SERPINB2: variants seen among roughly 807,000 people sequenced by gnomAD.
SERPINB2 encodes serpin family B member 2.
In SERPINB2, 28 loss-of-function variants were observed where a neutral mutation model predicts 39.4. The ratio of observed to expected loss-of-function variants is 0.71; its 90% confidence interval spans 0.53 to 0.97. The LOEUF (loss-of-function observed/expected upper bound fraction) is 0.97, where lower values mean the gene tolerates loss of function less well. SERPINB2 is among the 50% of genes least tolerant of loss of function. SERPINB2 has a pLI of 0.00. For missense variants in SERPINB2, 557 were observed against 505.3 expected, an observed-to-expected ratio of 1.10 and a Z score of -0.98; for synonymous variants, 209 against 175.1, an observed-to-expected ratio of 1.19 and a Z score of -1.53.
chr18:63,893,035 C>A (rs1157923374), intron 2 of SERPINB2, among the ~76,000 whole-genome samples: 1 of 151,974 alleles, frequency 6.6e-6, no homozygotes, highest in Admixed American at 6.6e-5. Flanking sequence ...CAGGTTCAAG[C>A]CATTCTCCTG....
At chr18:63,898,048 T>C (rs963570990) in intron 5 of SERPINB2, among the ~76,000 whole-genome samples, 7 of 152,212 alleles carry the variant, frequency 4.6e-5, no homozygotes, top group East Asian at 1.9e-4. Context: ...AGAAGACATA[T>C]GTTTAGTACT....
At chr18:63,888,847 A>C (rs1028541138) in intron 1 of SERPINB2, among the ~76,000 whole-genome samples, 4 of 152,230 alleles carry the variant, frequency 2.6e-5, no homozygotes, top group African/African-American at 9.6e-5. Flanking sequence ...TATAATGTTA[A>C]AAAATTCACA....
chr18:63,896,277 C>T (rs2049958905), intron 3 of SERPINB2, among the ~76,000 whole-genome samples: 1 of 152,202 alleles, frequency 6.6e-6, no homozygotes, highest in Non-Finnish European at 1.5e-5. Flanking sequence ...TGCCCTAGGA[C>T]AGGCTGCTGC....
At chr18:63,896,917 G>A (rs964855554) in intron 3 of SERPINB2, among the ~76,000 whole-genome samples, 174 bp from the exon 4 acceptor site, 3 of 152,178 alleles carry the variant, frequency 2.0e-5, no homozygotes, top group African/African-American at 4.8e-5. Context: ...TAGTTTTAAT[G>A]TACCACATCC....
rs1296015945 is a variant in SERPINB2 at position 63,903,246 on chromosome 18, CTTA to C, written c.1194_1196del (p.Ile398del). ...TGTGGCAGATCATCCTTTTCTTTTTCTTATTATGCATAAGATAACCAACTGCAT... is the reference window on the plus strand; with the variant it reads ...TGTGGCAGATCATCCTTTTCTTTTTCTTATGCATAAGATAACCAACTGCAT... On this transcript the variant is annotated inframe_deletion, in exon 8 of 8. Coordinates refer to ENST00000299502, the MANE Select transcript of SERPINB2 (RefSeq NM_002575.3). The C allele has an allele frequency of 6.3e-7, 1 of 1,593,116 alleles. No individual in the cohort carries two copies. Among genetic ancestry groups the C allele is most frequent in the East Asian group, 2.2e-5 (1 of 44,672 alleles).
intron 1 of SERPINB2, chr18:63,890,245 A>G (rs1007797093): frequency 5.3e-5 from 8 of 152,200 alleles, no homozygotes; most frequent in African/African-American, 1.9e-4. Flanking sequence ...GGGTTCACGC[A>G]AGAAAGAAGC....
In SERPINB2 at chr18:63,903,343, T is replaced by G; in HGVS notation, c.*38T>G. 1 of 1,478,332 alleles carries G rather than the reference T, an allele frequency of 6.8e-7. No individual in the cohort carries two copies. Among genetic ancestry groups the G allele is most frequent in the South Asian group, 1.5e-5 (1 of 66,808 alleles). 91.6% of individuals were successfully genotyped at this position (1,478,332 alleles called of 1,614,324 possible). On this transcript the variant is annotated 3_prime_UTR_variant, in exon 8 of 8. Transcript: ENST00000299502. Reference sequence around the variant, plus strand: ...TGCTTCTGCAAAAGATTTTTGTAGATGAGCTGTGTGCCTCAGAATTGCTAT... The same window carrying G: ...TGCTTCTGCAAAAGATTTTTGTAGAGGAGCTGTGTGCCTCAGAATTGCTAT...
In SERPINB2 at chr18:63,897,857, A is replaced by G. The variant is rs752724853; in HGVS notation, c.535+13A>G. On this transcript the variant is annotated intron_variant, in intron 5 of 7. Coordinates refer to ENST00000299502, the MANE Select transcript of SERPINB2 (RefSeq NM_002575.3). ...ACTCAAACCAAAGGTAAATCCAAGAAAATATTTTATTTACTTCTTTCCAGT... is the reference window on the plus strand; with the variant it reads ...ACTCAAACCAAAGGTAAATCCAAGAGAATATTTTATTTACTTCTTTCCAGT... The G allele has an allele frequency of 1.0e-5, 15 of 1,495,406 alleles. No homozygotes were observed. The highest frequency in any genetic ancestry group is 1.4e-5 in the Non-Finnish European group (15 of 1,081,774). 92.6% of individuals were successfully genotyped at this position (1,495,406 alleles called of 1,614,324 possible). A position where few individuals can be genotyped will look rare whatever the true frequency, so the allele number is the denominator to read the frequency against.
chr18:63,898,154 C>A (rs1337676633), intron 5 of SERPINB2, among the ~76,000 whole-genome samples: 2 of 152,210 alleles, frequency 1.3e-5, no homozygotes, highest in South Asian at 4.1e-4. Flanking sequence ...AATTGTGAGT[C>A]TATGCCCACT....
At chr18:63,895,489 A>T in intron 3 of SERPINB2, 106 bp downstream of exon 3, 2 of 1,362,854 alleles carry the variant, frequency 1.5e-6, no homozygotes, top group Non-Finnish European at 1.0e-6. Flanking sequence ...ACCCTCCCCC[A>T]TTCACAGAAA....
chr18:63,892,861 T>C (rs1354761727), intron 2 of SERPINB2: 2 of 152,254 alleles, frequency 1.3e-5, no homozygotes, highest in Non-Finnish European at 2.9e-5. Context: ...TTTTTATTTT[T>C]TGCCTTGAAA....
At chr18:63,892,935 T>G (rs1358573352) in intron 2 of SERPINB2, among the ~76,000 whole-genome samples, 3 of 152,190 alleles carry the variant, frequency 2.0e-5, no homozygotes, top group African/African-American at 7.2e-5. Flanking sequence ...TTTTTCTTTT[T>G]TCCTTTCTTT....
At chr18:63,897,472 C>G (rs546520922) in intron 4 of SERPINB2, among the ~76,000 whole-genome samples, 33 of 152,084 alleles carry the variant, frequency 2.2e-4, no homozygotes, top group Non-Finnish European at 3.7e-4. Context: ...GACACTATCC[C>G]CCAAGTCAAA....
chr18:63,893,182 C>G (rs1220800407), intron 2 of SERPINB2, among the ~76,000 whole-genome samples: 1 of 152,200 alleles, frequency 6.6e-6, no homozygotes, highest in Non-Finnish European at 1.5e-5. Context: ...CCTGCCTCGG[C>G]CTCCCAAAGT....
In SERPINB2 at chr18:63,897,334, G is replaced by A. The variant is rs1322241144; in HGVS notation, c.417+115G>A. ...AAAGCAGAGTTGGAATTCCACACCAGCTCCCTAGGGCTGGCCTTGCGTAAC... is the reference window on the plus strand; with the variant it reads ...AAAGCAGAGTTGGAATTCCACACCAACTCCCTAGGGCTGGCCTTGCGTAAC... On this transcript the variant is annotated intron_variant, in intron 4 of 7. Transcript: ENST00000299502. The A allele has an allele frequency of 1.2e-5, 15 of 1,234,170 alleles. No homozygotes were observed. The East Asian group carries it at 3.3e-4, about 27-fold the overall frequency. 76.5% of individuals were successfully genotyped at this position (1,234,170 alleles called of 1,614,324 possible).
intron 5 of SERPINB2, among the ~76,000 whole-genome samples, chr18:63,899,059 C>G (rs2049977313): frequency 6.6e-6 from 1 of 152,098 alleles, no homozygotes; most frequent in African/African-American, 2.4e-5. Flanking sequence ...TACCACTGGC[C>G]CTTGGAGCTC....
Position 63,902,417 on chromosome 18 carries a change from C to T in SERPINB2, c.692C>T (p.Pro231Leu). 6.2e-7 allele frequency: 1 copy of T among 1,611,900 alleles called. No homozygotes were observed. Among genetic ancestry groups the T allele is most frequent in the Non-Finnish European group, 8.5e-7 (1 of 1,178,882 alleles). The change falls in exon 7 of 8, where the codon CCT becomes CTT. Residue 231 changes from proline (P) to leucine (L), a missense_variant. Pro to Leu is a moderately conservative substitution (Grantham distance 98). Coordinates refer to ENST00000299502, the MANE Select transcript of SERPINB2 (RefSeq NM_002575.3). ...PFRVNSAQRT[P>L]VQMMYLREKL... ...TAATAATATTAGGCTCAGCGCACAC[C>T]TGTACAGATGATGTACTTGCGTGAA... is the stretch of plus-strand genomic sequence containing the variant.
At position 63,901,886 on chromosome 18, in the gene SERPINB2, T is replaced by C; in HGVS notation, c.678+4T>C. 1 of 1,593,920 alleles carries C rather than the reference T, an allele frequency of 6.3e-7. No homozygotes were observed. The highest frequency in any genetic ancestry group is 1.2e-5 in the South Asian group (1 of 86,364). On this transcript the variant is annotated splice_donor_region_variant and intron_variant, in intron 6 of 7. Transcript: ENST00000299502. ...TTATCCTTTCCGTGTAAACTCGGTA[T>C]GAGACAACAAAATACATCTTCCTAG...
intron 1 of SERPINB2, among the ~76,000 whole-genome samples, chr18:63,889,528 T>A (rs1023821004): frequency 6.6e-6 from 1 of 152,174 alleles, no homozygotes; most frequent in Non-Finnish European, 1.5e-5. Flanking sequence ...TAAATTTATG[T>A]TTGTGGCTCT....
Sources: gnomAD v4.1 joint callset for allele counts (sites outside exome capture counted in the v4.1 genomes callset) on GRCh38, gnomAD v4.1.1 for gene constraint, MANE v1.5 for transcripts, NCBI Gene and HGNC (gene_info 2026-07-23, HGNC 2026-07-21) for gene names.